CNTN4: variants seen among roughly 807,000 people sequenced by gnomAD.
CNTN4 encodes contactin-4.
In CNTN4, 77 loss-of-function variants were observed where a neutral mutation model predicts 122.5. The observed-to-expected ratio is 0.63, with a 90% CI of 0.52 to 0.76. The LOEUF is 0.76. CNTN4 is among the 30% of genes least tolerant of loss of function. CNTN4 has a pLI of 0.00. For synonymous variants in CNTN4, 512 were observed against 447.0 expected, an observed-to-expected ratio of 1.15 and a Z score of -1.83; for missense variants, 1,256 against 1,259.1, an observed-to-expected ratio of 1.00 and a Z score of 0.04.
At chr3:2,871,759 T>C (rs1017117591) in intron 8 of CNTN4, among the ~76,000 whole-genome samples, 2 of 152,194 alleles carry the variant, frequency 1.3e-5, no homozygotes, top group Non-Finnish European at 2.9e-5. Flanking sequence ...ATTTAGACAT[T>C]TGCTTCGTTT....
chr3:2,712,450 A>G (rs954815916), intron 4 of CNTN4, among the ~76,000 whole-genome samples: 1 of 152,222 alleles, frequency 6.6e-6, no homozygotes, highest in African/African-American at 2.4e-5. Flanking sequence ...TGCAGGGTTC[A>G]TGATTAAGAT....
At chr3:2,961,231 C>CAAAAAAAAAAAAAG (rs2094855145) in intron 13 of CNTN4, among the ~76,000 whole-genome samples, 1 of 37,262 alleles carries the variant, frequency 2.7e-5, no homozygotes, top group Non-Finnish European at 5.0e-5. Flanking sequence ...CTCCATCTCA[C>CAAAAAAAAAAAAAG]AAAAAAAAAA....
At chr3:2,343,768 A>G (rs2044294505) in intron 3 of CNTN4, among the ~76,000 whole-genome samples, 1 of 152,222 alleles carries the variant, frequency 6.6e-6, no homozygotes, top group South Asian at 2.1e-4. Flanking sequence ...CTATGGTGAC[A>G]TTCTCAGTCT....
chr3:2,907,097 A>G (rs2094243519), intron 12 of CNTN4, among the ~76,000 whole-genome samples: 1 of 152,198 alleles, frequency 6.6e-6, no homozygotes, highest in Non-Finnish European at 1.5e-5. Flanking sequence ...ATAGAAATTA[A>G]TATTGGTTAA....
At chr3:2,377,546 A>G (rs939040670) in intron 3 of CNTN4, among the ~76,000 whole-genome samples, 4 of 152,192 alleles carry the variant, frequency 2.6e-5, no homozygotes, top group Admixed American at 6.5e-5. Flanking sequence ...ACAGTATCAC[A>G]CTAATTTAAG....
At chr3:2,851,071 T>A (rs950050157) in intron 7 of CNTN4, among the ~76,000 whole-genome samples, 6 of 152,232 alleles carry the variant, frequency 3.9e-5, no homozygotes, top group African/African-American at 1.4e-4. Flanking sequence ...TACAATGTAT[T>A]TGTTAAGTTA....
intron 2 of CNTN4, among the ~76,000 whole-genome samples, chr3:2,167,717 T>C (rs1247252534): frequency 1.3e-5 from 2 of 152,252 alleles, no homozygotes; most frequent in African/African-American, 4.8e-5. Flanking sequence ...ATATGATGAC[T>C]AAAAGTAAAT....
intron 4 of CNTN4, among the ~76,000 whole-genome samples, chr3:2,587,680 A>G (rs921978741): frequency 7.2e-5 from 11 of 152,216 alleles, no homozygotes; most frequent in Non-Finnish European, 2.9e-5. Flanking sequence ...TAAGAAGATT[A>G]TCAATGGCAT....
In CNTN4 at chr3:2,134,273, A is replaced by G. The variant is rs568292939; in HGVS notation, c.-145+33634A>G. On this transcript the variant is annotated intron_variant, in intron 2 of 24. Transcript: ENST00000418658. Reference sequence around the variant, plus strand: ...TTAATAAAGATTCTCTGTCCCCACAATGAGGTTTATTAAATCAGAATCTCC... The same window carrying G: ...TTAATAAAGATTCTCTGTCCCCACAGTGAGGTTTATTAAATCAGAATCTCC... 7.9e-5 allele frequency among the ~76,000 whole-genome samples: 12 copies of G among 152,324 alleles called. No homozygotes were observed. In the South Asian group the frequency reaches 1.9e-3, roughly 24 times the overall value.
chr3:2,433,389 T>C (rs1408256993), intron 3 of CNTN4, among the ~76,000 whole-genome samples: 4 of 152,202 alleles, frequency 2.6e-5, no homozygotes, highest in Non-Finnish European at 4.4e-5. Flanking sequence ...TTATCGGTGA[T>C]GATGAGCATG....
intron 4 of CNTN4, among the ~76,000 whole-genome samples, chr3:2,647,004 A>G (rs2083153116): frequency 6.6e-6 from 1 of 152,196 alleles, no homozygotes; most frequent in Admixed American, 6.5e-5. Context: ...CCAAGGTTGA[A>G]TTTCCCTTAT....
intron 3 of CNTN4, among the ~76,000 whole-genome samples, chr3:2,475,837 T>A (rs2075820753): frequency 6.6e-6 from 1 of 152,226 alleles, no homozygotes. Flanking sequence ...ATAGGCAGTC[T>A]AGTCTGAATT....
intron 4 of CNTN4, among the ~76,000 whole-genome samples, chr3:2,621,439 A>T (rs1449260154): frequency 1.3e-5 from 2 of 151,988 alleles, no homozygotes; most frequent in Non-Finnish European, 2.9e-5. Context: ...GAGTTGAACA[A>T]TGAGAACACA....
chr3:2,271,896 G>C (rs2041313783), intron 2 of CNTN4, among the ~76,000 whole-genome samples: 1 of 151,988 alleles, frequency 6.6e-6, no homozygotes. Flanking sequence ...TAAATGTTAA[G>C]GGACCAAGAC....
intron 13 of CNTN4, among the ~76,000 whole-genome samples, chr3:2,980,115 A>G (rs1693821715): frequency 6.6e-6 from 1 of 152,252 alleles, no homozygotes; most frequent in Non-Finnish European, 1.5e-5. Context: ...CATGTGAAGA[A>G]AGATAGATTC....
At chr3:2,106,583 C>T (rs1004316714) in intron 2 of CNTN4, among the ~76,000 whole-genome samples, 1 of 152,220 alleles carries the variant, frequency 6.6e-6, no homozygotes, top group Non-Finnish European at 1.5e-5. Flanking sequence ...ACGCAGGGCA[C>T]CAAGTCCCTA....
At position 2,679,272 on chromosome 3, in the gene CNTN4, T is replaced by C. The variant is rs552921661; in HGVS notation, c.56-56943T>C. On this transcript the variant is annotated intron_variant, in intron 4 of 24. Coordinates refer to ENST00000418658, the MANE Select transcript of CNTN4 (RefSeq NM_175607.3). ...AGATATTGCCTTTTCTGCACACACA[T>C]TGATGCTTAATTATTGGAATACCTT... 7.7e-4 allele frequency among the ~76,000 whole-genome samples: 117 copies of C among 152,296 alleles called. No individual in the cohort carries two copies. In the South Asian group the frequency reaches 0.023, roughly 30 times the overall value.
chr3:2,211,350 A>G (rs2038607516), intron 2 of CNTN4, among the ~76,000 whole-genome samples: 1 of 152,092 alleles, frequency 6.6e-6, no homozygotes. Flanking sequence ...TCAACATGAG[A>G]TTTGGGTGAG....
At chr3:2,723,522 C>T (rs553263772) in intron 4 of CNTN4, among the ~76,000 whole-genome samples, 11 of 152,228 alleles carry the variant, frequency 7.2e-5, no homozygotes, top group East Asian at 1.9e-4. Flanking sequence ...CCTGTTATTG[C>T]GTCCTCCAGA....
Sources: allele counts gnomAD v4.1 joint callset (sites outside exome capture counted in the v4.1 genomes callset), GRCh38; gene constraint gnomAD v4.1.1; transcripts MANE v1.5; gene names NCBI Gene and HGNC (gene_info 2026-07-23, HGNC 2026-07-21).